ANKRD30A: variants seen among roughly 807,000 people sequenced by gnomAD.
The protein encoded by ANKRD30A is ankyrin repeat domain 30A, also known as ankyrin repeat domain-containing protein 30A.
In ANKRD30A, 170 loss-of-function variants were observed where a neutral mutation model predicts 166.3. The observed-to-expected ratio is 1.02, with a 90% confidence interval of 0.90 to 1.16. The LOEUF is 1.16. Ranked by LOEUF, ANKRD30A falls within the 50% of genes most tolerant of loss-of-function variation. ANKRD30A has a pLI of 0.00. For synonymous variants in ANKRD30A, 564 were observed against 508.9 expected (o/e 1.11, Z -1.46); for missense variants, 1,630 against 1,518.0 (o/e 1.07, Z -1.23).
intron 13 of ANKRD30A, among the ~76,000 whole-genome samples, chr10:37,158,160 G>A (rs1838527254): frequency 6.6e-6 from 1 of 151,680 alleles, no homozygotes; most frequent in Admixed American, 6.6e-5. Flanking sequence ...TATTTTCAAT[G>A]TTGAAATCCT....
In ANKRD30A at chr10:37,147,390, A is replaced by G. The variant is rs1313508755; in HGVS notation, c.1476A>G (p.Ala492=). The G allele has an allele frequency of 6.3e-7, 1 of 1,598,000 alleles. No homozygotes were observed. Among genetic ancestry groups the G allele is most frequent in the Admixed American group, 1.8e-5 (1 of 56,738 alleles). ...CDSRSLFESS[A]KIQVCIPESI... is the part of the protein sequence containing the mutation. The stretch of plus-strand genomic sequence containing the variant: ...AACAGAGTCTCTTTGAGAGTTCTGC[A>G]AAGATTCAAGTGTGTATACCTGAGT... The change falls in exon 9 of 36, where the codon GCA becomes GCG. Residue 492 remains alanine, a synonymous_variant. Coordinates refer to ENST00000361713, the MANE Select transcript of ANKRD30A (RefSeq NM_052997.3).
intron 4 of ANKRD30A, among the ~76,000 whole-genome samples, chr10:37,133,550 G>A (rs1836499923): frequency 6.6e-6 from 1 of 152,140 alleles, no homozygotes; most frequent in Non-Finnish European, 1.5e-5. Context: ...ATTGTTTTAA[G>A]CCTTCAGATT....
At position 37,219,732 on chromosome 10, in the gene ANKRD30A, A is replaced by G. The variant is rs1842795858; in HGVS notation, c.4020A>G (p.Ala1340=). The change falls in exon 34 of 36, where the codon GCA becomes GCG. Residue 1340 remains alanine (A), a synonymous_variant. Transcript: ENST00000361713. The part of the protein sequence containing the change: ...NMWLQQQLVH[A]HKKADNKSKI... ...GGCTTCAACAGCAATTAGTTCATGCACATAAGAAAGCTGACAACAAAAGCA... is the reference window on the plus strand; with the variant it reads ...GGCTTCAACAGCAATTAGTTCATGCGCATAAGAAAGCTGACAACAAAAGCA... 1.9e-6 allele frequency: 3 copies of G among 1,609,150 alleles called. No homozygotes were observed. The highest frequency in any genetic ancestry group is 2.5e-6 in the Non-Finnish European group (3 of 1,177,002).
At chr10:37,238,639 A>G in the ANKRD30A span, among the ~76,000 whole-genome samples, 1 of 152,322 alleles carries the variant, frequency 6.6e-6, no homozygotes, top group Non-Finnish European at 1.5e-5. Context: ...AAAAATATTC[A>G]TAAACAGGCT....
intron 27 of ANKRD30A, among the ~76,000 whole-genome samples, chr10:37,195,101 C>T (rs902360871): frequency 7.9e-5 from 12 of 151,910 alleles, no homozygotes; most frequent in East Asian, 3.9e-4. Flanking sequence ...ATTAGGCCCC[C>T]GGTGTATTTG....
intron 34 of ANKRD30A, among the ~76,000 whole-genome samples, chr10:37,224,770 C>T (rs1200787850): frequency 6.6e-6 from 1 of 151,490 alleles, no homozygotes; most frequent in Non-Finnish European, 1.5e-5. Context: ...CTTCCTACAA[C>T]AGTCGTGAAG....
intron 24 of ANKRD30A, among the ~76,000 whole-genome samples, chr10:37,178,835 T>C (rs866694893): frequency 6.6e-6 from 1 of 150,692 alleles, no homozygotes. Flanking sequence ...GCCAGCTAGA[T>C]GATTTTGGAT....
At chr10:37,205,912 T>C (rs1015982155) in intron 31 of ANKRD30A, among the ~76,000 whole-genome samples, 1 of 152,162 alleles carries the variant, frequency 6.6e-6, no homozygotes, top group Non-Finnish European at 1.5e-5. Flanking sequence ...AGAGTTTTCA[T>C]TGAAATAATT....
intron 31 of ANKRD30A, among the ~76,000 whole-genome samples, chr10:37,203,140 C>G (rs1008023975): frequency 6.6e-5 from 10 of 152,140 alleles, no homozygotes; most frequent in Non-Finnish European, 1.5e-4. Flanking sequence ...TTTTATGAGG[C>G]CAGCATCATC....
rs1316374029 is a variant in ANKRD30A, at chr10:37,183,571, G to C, written c.2422-5896G>C. 6.1e-5 allele frequency among the ~76,000 whole-genome samples: 9 copies of C among 146,896 alleles called. 1 individual carries two copies. Among genetic ancestry groups the C allele is most frequent in the African/African-American group, 2.2e-4 (9 of 40,284 alleles). On this transcript the variant is annotated intron_variant, in intron 24 of 35. Transcript: ENST00000361713. ...TTTATAATGAAAAGAGTTGGTTACAGATTCATTCTGTGTCTCATGGCACTG... is the reference window on the plus strand; with the variant it reads ...TTTATAATGAAAAGAGTTGGTTACACATTCATTCTGTGTCTCATGGCACTG...
chr10:37,201,529 T>C (rs564850165), intron 31 of ANKRD30A, among the ~76,000 whole-genome samples: 30 of 152,128 alleles, frequency 2.0e-4, no homozygotes, highest in Admixed American at 1.6e-3. Flanking sequence ...AGGTGAATTA[T>C]TAGTTTGAAT....
At chr10:37,179,626 A>T (rs1201796163) in intron 24 of ANKRD30A, among the ~76,000 whole-genome samples, 1 of 148,056 alleles carries the variant, frequency 6.8e-6, no homozygotes, top group African/African-American at 2.5e-5. Context: ...TCAATTCTAC[A>T]TTCAGCTGAA....
chr10:37,166,229 A>C (rs1839328387), intron 18 of ANKRD30A, among the ~76,000 whole-genome samples: 1 of 152,180 alleles, frequency 6.6e-6, no homozygotes, highest in African/African-American at 2.4e-5. Context: ...GTGTCCAGGC[A>C]AGTAGCAAAT....
chr10:37,214,641 G>T (rs1842511084), intron 31 of ANKRD30A, among the ~76,000 whole-genome samples: 1 of 147,718 alleles, frequency 6.8e-6, no homozygotes, highest in African/African-American at 2.5e-5. Context: ...AAGTTTATTT[G>T]GTTATTAGGT....
the ANKRD30A span, among the ~76,000 whole-genome samples, chr10:37,256,571 A>T: frequency 1.3e-5 from 2 of 152,258 alleles, no homozygotes; most frequent in South Asian, 4.1e-4. Context: ...CATAAAATAG[A>T]CTGTAAGTAA....
At chr10:37,179,097 A>G (rs1375851681) in intron 24 of ANKRD30A, among the ~76,000 whole-genome samples, 1 of 147,750 alleles carries the variant, frequency 6.8e-6, no homozygotes, top group African/African-American at 2.5e-5. Context: ...TTTGACGTTC[A>G]CAATTTGAAT....
At chr10:37,207,062 A>C (rs1842035046) in intron 31 of ANKRD30A, among the ~76,000 whole-genome samples, 1 of 152,114 alleles carries the variant, frequency 6.6e-6, no homozygotes, top group Non-Finnish European at 1.5e-5. Flanking sequence ...TGAGGGGATC[A>C]AAAAACATTC....
chr10:37,142,560 T>C (rs1163884904), intron 7 of ANKRD30A, among the ~76,000 whole-genome samples: 2 of 145,100 alleles, frequency 1.4e-5, no homozygotes, highest in African/African-American at 2.6e-5. Flanking sequence ...AGGGATATCA[T>C]AGGATCACAC....
At chr10:37,191,862 G>T (rs528398900) in intron 25 of ANKRD30A, among the ~76,000 whole-genome samples, 1 of 151,968 alleles carries the variant, frequency 6.6e-6, no homozygotes, top group East Asian at 1.9e-4. Flanking sequence ...GGGCGTGGTG[G>T]TGGGTGCCTG....
Sources: allele counts gnomAD v4.1 joint callset (sites outside exome capture counted in the v4.1 genomes callset), GRCh38; gene constraint gnomAD v4.1.1; transcripts MANE v1.5; gene names NCBI Gene and HGNC (gene_info 2026-07-23, HGNC 2026-07-21).